The following CDH13 variants were observed in gnomAD, a reference collection of about 807,000 sequenced individuals.
The protein encoded by CDH13 is cadherin-13.
A neutral mutation model predicts 63.8 loss-of-function variants in CDH13; 24 were observed. That is an observed-to-expected ratio of 0.38 (90% CI 0.27 to 0.53). The LOEUF (loss-of-function observed/expected upper bound fraction) is 0.53, where lower values mean the gene tolerates loss of function less well. Among genes scored for constraint, CDH13 ranks in the 20% least tolerant of loss-of-function variants. The pLI is 0.85. For synonymous variants in CDH13, 503 were observed against 355.3 expected, an observed-to-expected ratio of 1.42 and a Z score of -4.67; for missense variants, 1,049 against 903.1, an observed-to-expected ratio of 1.16 and a Z score of -2.07.
intron 7 of CDH13, 42 bp from the exon 8 acceptor site, chr16:83,602,412 A>T: frequency 1.9e-6 from 3 of 1,612,214 alleles, no homozygotes; most frequent in Non-Finnish European, 2.5e-6. Flanking sequence ...CAGTAACCCA[A>T]ATCTAAATGT....
intron 5 of CDH13, among the ~76,000 whole-genome samples, chr16:83,286,395 A>C (rs113357521): frequency 8.3e-4 from 127 of 152,278 alleles, no homozygotes; most frequent in African/African-American, 2.7e-3. Context: ...TAGAATTTAA[A>C]AGGCATGCTC....
At chr16:83,383,976 A>G (rs1051069120) in intron 6 of CDH13, among the ~76,000 whole-genome samples, 3 of 152,170 alleles carry the variant, frequency 2.0e-5, no homozygotes, top group Non-Finnish European at 2.9e-5. Flanking sequence ...ATCCACACAA[A>G]TATACGTACA....
intron 1 of CDH13, among the ~76,000 whole-genome samples, chr16:82,738,244 A>G (rs1285262945): frequency 1.3e-5 from 2 of 152,190 alleles, no homozygotes; most frequent in Non-Finnish European, 2.9e-5. Context: ...AGTCACTTCC[A>G]TTGTAAAAAT....
intron 2 of CDH13, among the ~76,000 whole-genome samples, chr16:82,940,801 T>C (rs1904278205): frequency 6.6e-6 from 1 of 152,194 alleles, no homozygotes; most frequent in Non-Finnish European, 1.5e-5. Flanking sequence ...GGAACCCTTA[T>C]TTGAGCTCTT....
At chr16:83,046,434 T>C (rs1917790778) in intron 3 of CDH13, among the ~76,000 whole-genome samples, 2 of 152,064 alleles carry the variant, frequency 1.3e-5, no homozygotes. Context: ...GTCAATTCTC[T>C]AAGAAAAAGG....
intron 11 of CDH13, 103 bp from the exon 12 acceptor site, chr16:83,779,865 A>G: frequency 1.3e-6 from 1 of 785,712 alleles, no homozygotes. Flanking sequence ...CTCAAAAAAT[A>G]AAATAACTGC....
At chr16:83,390,727 C>T (rs2091770040) in intron 6 of CDH13, among the ~76,000 whole-genome samples, 1 of 152,186 alleles carries the variant, frequency 6.6e-6, no homozygotes, top group South Asian at 2.1e-4. Flanking sequence ...TCACGGTGCT[C>T]AGTTCAACCT....
intron 8 of CDH13, among the ~76,000 whole-genome samples, chr16:83,644,633 C>T (rs1460308989): frequency 4.6e-5 from 7 of 152,218 alleles, no homozygotes; most frequent in African/African-American, 1.4e-4. Context: ...TCCTAGCCTG[C>T]TCCACTGCAA....
At chr16:83,528,981 T>C (rs2075022871) in intron 7 of CDH13, among the ~76,000 whole-genome samples, 1 of 152,150 alleles carries the variant, frequency 6.6e-6, no homozygotes, top group South Asian at 2.1e-4. Context: ...AATTGCTTGG[T>C]CCACCTGACT....
At chr16:83,443,147 A>G (rs1390486495) in intron 6 of CDH13, among the ~76,000 whole-genome samples, 3 of 152,224 alleles carry the variant, frequency 2.0e-5, no homozygotes. Context: ...TCCATGCCAA[A>G]CGCAGAAAGG....
chr16:82,995,376 G>A (rs528043538), intron 2 of CDH13, among the ~76,000 whole-genome samples: 1 of 152,320 alleles, frequency 6.6e-6, no homozygotes, highest in South Asian at 2.1e-4. Flanking sequence ...TGAGCGTGAT[G>A]TTAGCACATT....
chr16:82,642,853 T>G (rs1909589133), intron 1 of CDH13, among the ~76,000 whole-genome samples: 1 of 152,236 alleles, frequency 6.6e-6, no homozygotes. Context: ...TAATCCCATT[T>G]CATAGGTGGG....
intron 1 of CDH13, among the ~76,000 whole-genome samples, chr16:82,713,817 C>CAAA (rs777356585): frequency 7.1e-6 from 1 of 140,364 alleles, no homozygotes; most frequent in African/African-American, 2.7e-5. Context: ...AAAAAAAAAA[C>CAAA]AAACAAAAAA....
At chr16:82,722,271 C>T (rs1009728893) in intron 1 of CDH13, among the ~76,000 whole-genome samples, 2 of 152,074 alleles carry the variant, frequency 1.3e-5, no homozygotes, top group Non-Finnish European at 2.9e-5. Flanking sequence ...AATACAGGGG[C>T]TTGAATCTTG....
rs113588220 is a variant in CDH13 at position 83,282,474 on chromosome 16, G to T, written c.637-62388G>T. Among the ~76,000 whole-genome samples the T allele has an allele frequency of 6.3e-3, 960 of 152,290 alleles. 11 individuals carry two copies. The highest frequency in any genetic ancestry group is 0.019 in the African/African-American group (783 of 41,562). On this transcript the variant is annotated intron_variant, in intron 5 of 13. Coordinates refer to ENST00000567109, the MANE Select transcript of CDH13 (RefSeq NM_001257.5). ...AAGCTAAAAATGTAACGTTGGACCA[G>T]AGAGGGCTAGTAAGCAAGGCTCCAA... is the stretch of plus-strand genomic sequence containing the variant.
At chr16:83,180,885 A>G (rs1315451581) in intron 4 of CDH13, 2 of 1,530,266 alleles carry the variant, frequency 1.3e-6, no homozygotes, top group African/African-American at 1.4e-5. Flanking sequence ...CCACAATCCT[A>G]TTAACAGCGA....
chr16:83,105,185 C>G (rs9928314), intron 3 of CDH13, among the ~76,000 whole-genome samples: 2 of 152,038 alleles, frequency 1.3e-5, no homozygotes, highest in Non-Finnish European at 2.9e-5. Flanking sequence ...AAAACTCAAT[C>G]TGGGGCCTGC....
chr16:82,917,190 C>T (rs180681862), intron 2 of CDH13, among the ~76,000 whole-genome samples: 92 of 152,138 alleles, frequency 6.0e-4, no homozygotes, highest in Admixed American at 6.0e-3. Flanking sequence ...AAGAAAGGAC[C>T]GCATTAACTC....
Position 82,763,461 on chromosome 16 carries a change from C to T in CDH13, c.46-94901C>T, listed in dbSNP as rs910420947. 4.6e-5 allele frequency among the ~76,000 whole-genome samples: 7 copies of T among 152,248 alleles called. No homozygotes were observed. In the East Asian group the frequency reaches 1.4e-3, roughly 29 times the overall value. ...GAGCACCTGTGACATAGTGAACACT[C>T]AACAACTGTTTGCTGAATGAAAGAA... On this transcript the variant is annotated intron_variant, in intron 1 of 13. Transcript: ENST00000567109.
Sources: allele counts gnomAD v4.1 joint callset (sites outside exome capture counted in the v4.1 genomes callset), GRCh38; gene constraint gnomAD v4.1.1; transcripts MANE v1.5; gene names NCBI Gene and HGNC (gene_info 2026-07-23, HGNC 2026-07-21).